Variants in PDE3B observed in about 807,000 individuals in gnomAD.
The protein encoded by PDE3B is phosphodiesterase 3B.
A neutral mutation model predicts 116.8 loss-of-function variants in PDE3B; 66 were observed. The ratio of observed to expected loss-of-function variants is 0.56; its 90% CI spans 0.46 to 0.69. PDE3B has a LOEUF of 0.69. PDE3B is among the 30% of genes least tolerant of loss of function. The pLI is 0.00. For synonymous variants in PDE3B, 595 were observed against 533.6 expected (o/e 1.12, Z -1.59); for missense variants, 1,384 against 1,368.1 (o/e 1.01, Z -0.18).
At chr11:14,888,661 A>T in the PDE3B span, among the ~76,000 whole-genome samples, 1 of 152,138 alleles carries the variant, frequency 6.6e-6, no homozygotes, top group African/African-American at 2.4e-5. Flanking sequence ...TGAACCAGAA[A>T]CATTCATATT....
chr11:14,840,092 C>G (rs897053026), intron 11 of PDE3B, among the ~76,000 whole-genome samples: 1 of 152,166 alleles, frequency 6.6e-6, no homozygotes, highest in African/African-American at 2.4e-5. Context: ...GCAAGAGAAG[C>G]ATGTGAAGCA....
intron 5 of PDE3B, among the ~76,000 whole-genome samples, chr11:14,806,784 G>A (rs1421058047): frequency 4.0e-5 from 6 of 149,378 alleles, no homozygotes; most frequent in South Asian, 2.1e-4. Flanking sequence ...GCATGAACCC[G>A]GGAGGCGGAG....
At chr11:14,876,231 T>C (rs1006732006), downstream of PDE3B, among the ~76,000 whole-genome samples, 3 of 152,050 alleles carry the variant, frequency 2.0e-5, no homozygotes, top group Non-Finnish European at 2.9e-5. Context: ...TTCAGGAAGG[T>C]TGGGGCAGGA....
At chr11:14,668,928 A>G (rs1326319258) in intron 1 of PDE3B, among the ~76,000 whole-genome samples, 1 of 152,200 alleles carries the variant, frequency 6.6e-6, no homozygotes, top group Non-Finnish European at 1.5e-5. Context: ...GTTGCCTTCC[A>G]TTCTTGCACA....
intron 1 of PDE3B, among the ~76,000 whole-genome samples, chr11:14,760,100 G>A (rs61883647): frequency 0.23 from 35,640 of 152,122 alleles, 4,927 homozygotes; most frequent in Non-Finnish European, 0.33. Flanking sequence ...AGAAACCACA[G>A]TATGATTCTG....
chr11:14,676,607 A>G (rs1321464989), intron 1 of PDE3B, among the ~76,000 whole-genome samples: 1 of 152,172 alleles, frequency 6.6e-6, no homozygotes, highest in African/African-American at 2.4e-5. Flanking sequence ...TATGGACTTT[A>G]TAAACACTGA....
chr11:14,897,728 GGTCAGTCAGACTT>G, the PDE3B span, among the ~76,000 whole-genome samples: 1 of 152,246 alleles, frequency 6.6e-6, no homozygotes, highest in East Asian at 1.9e-4. Flanking sequence ...TGCAGGAGAT[GGTCAGTCAGACTT>G]TTCACAGGAA....
chr11:14,762,564 G>C (rs11023332), intron 1 of PDE3B, among the ~76,000 whole-genome samples: 54,448 of 151,964 alleles, frequency 0.36, 11,203 homozygotes, highest in South Asian at 0.46. Flanking sequence ...GTTGAGATGA[G>C]AAGTCACTGG....
chr11:14,893,091 G>A, the PDE3B span, among the ~76,000 whole-genome samples: 2 of 152,176 alleles, frequency 1.3e-5, no homozygotes, highest in Non-Finnish European at 2.9e-5. Context: ...TGAGTTTTAT[G>A]GTCCTCATTA....
intron 1 of PDE3B, among the ~76,000 whole-genome samples, chr11:14,746,289 G>A (rs1856908310): frequency 6.6e-6 from 1 of 152,154 alleles, no homozygotes; most frequent in South Asian, 2.1e-4. Context: ...AGCTACTCGG[G>A]AGGCTGAGGC....
chr11:14,831,541 A>G (rs1018532843), intron 8 of PDE3B, 99 bp from the exon 9 acceptor site: 24 of 644,346 alleles, frequency 3.7e-5, no homozygotes, highest in Non-Finnish European at 5.0e-5. Context: ...AATAGTACTG[A>G]CTTTTTTAAA....
chr11:14,869,144 TC>T (rs1848099979), intron 15 of PDE3B, among the ~76,000 whole-genome samples: 1 of 152,142 alleles, frequency 6.6e-6, no homozygotes, highest in African/African-American at 2.4e-5. Flanking sequence ...GCACGCTTCT[TC>T]CCTCTCCACC....
intron 1 of PDE3B, among the ~76,000 whole-genome samples, chr11:14,696,972 T>C (rs1016248641): frequency 1.3e-5 from 2 of 152,176 alleles, no homozygotes; most frequent in African/African-American, 4.8e-5. Flanking sequence ...GGTCTTGCTC[T>C]GTCACTCAGG....
chr11:14,735,767 T>G (rs528044183), intron 1 of PDE3B, among the ~76,000 whole-genome samples: 41 of 152,294 alleles, frequency 2.7e-4, no homozygotes, highest in Non-Finnish European at 5.6e-4. Flanking sequence ...TGCAATAGAT[T>G]CAATATAAAG....
chr11:14,877,158 T>C, the PDE3B span, among the ~76,000 whole-genome samples: 1 of 152,110 alleles, frequency 6.6e-6, no homozygotes, highest in Non-Finnish European at 1.5e-5. Context: ...CAATATACAT[T>C]CCAGTTTGTT....
chr11:14,683,372 A>G (rs1222052544), intron 1 of PDE3B, among the ~76,000 whole-genome samples: 1 of 152,102 alleles, frequency 6.6e-6, no homozygotes, highest in Non-Finnish European at 1.5e-5. Flanking sequence ...AGAATTACTC[A>G]GAATATCTAT....
chr11:14,649,547 G>T (rs1027152564), intron 1 of PDE3B, among the ~76,000 whole-genome samples: 1 of 152,136 alleles, frequency 6.6e-6, no homozygotes, highest in Non-Finnish European at 1.5e-5. Context: ...GCCTTCCAAG[G>T]CTGTACTTAA....
chr11:14,744,244 A>G (rs546441655), intron 1 of PDE3B, among the ~76,000 whole-genome samples: 1 of 151,888 alleles, frequency 6.6e-6, no homozygotes, highest in African/African-American at 2.4e-5. Context: ...TTTCCTTTCT[A>G]TTCTTTTTTC....
chr11:14,649,037 T>C (rs552160931), intron 1 of PDE3B, among the ~76,000 whole-genome samples: 1 of 152,318 alleles, frequency 6.6e-6, no homozygotes, highest in Non-Finnish European at 1.5e-5. Flanking sequence ...GAAACAGTGC[T>C]GATGAGTATT....
Sources: allele counts gnomAD v4.1 joint callset (sites outside exome capture counted in the v4.1 genomes callset), GRCh38; gene constraint gnomAD v4.1.1; transcripts MANE v1.5; gene names NCBI Gene and HGNC (gene_info 2026-07-23, HGNC 2026-07-21).